The following BRINP3 variants were observed in gnomAD, a reference collection of about 807,000 sequenced individuals.
The protein encoded by BRINP3 is BMP/retinoic acid-inducible neural-specific protein 3.
BRINP3 carries 19 observed loss-of-function variants against 71.0 expected under a neutral mutation model. The ratio of observed to expected loss-of-function variants is 0.27; its 90% CI spans 0.19 to 0.39. The LOEUF (loss-of-function observed/expected upper bound fraction) is 0.39, where lower values mean the gene tolerates loss of function less well. Ranked by LOEUF, BRINP3 falls within the 10% of genes least tolerant of loss-of-function variation. BRINP3 has a pLI of 1.00. For missense variants in BRINP3, 959 were observed against 940.8 expected (o/e 1.02, Z -0.25); for synonymous variants, 380 against 337.7 (o/e 1.13, Z -1.37).
At chr1:190,315,170 GT>G (rs1304996229) in intron 2 of BRINP3, among the ~76,000 whole-genome samples, 1 of 152,070 alleles carries the variant, frequency 6.6e-6, no homozygotes, top group African/African-American at 2.4e-5. Context: ...ATAAGATTAT[GT>G]GCAAGAAAAT....
chr1:190,434,589 T>C (rs1674330149), intron 2 of BRINP3, among the ~76,000 whole-genome samples: 1 of 151,818 alleles, frequency 6.6e-6, no homozygotes, highest in South Asian at 2.1e-4. Flanking sequence ...AATTTAAATA[T>C]ATATATATTT....
In BRINP3 at chr1:190,098,572, T is replaced by C; in HGVS notation, c.1747A>G (p.Ser583Gly). The C allele has an allele frequency of 1.2e-6, 2 of 1,614,144 alleles. No homozygotes were observed. Among genetic ancestry groups the C allele is most frequent in the Non-Finnish European group, 1.7e-6 (2 of 1,180,022 alleles). Reference protein sequence around the residue: ...VNPFGGSHSESWFMPVNENSF... With the variant: ...VNPFGGSHSEGWFMPVNENSF... ...TTTTCATTCACAGGCATAAACCAGC[T>C]CTCAGAGTGGCTGCCTCCGAAGGGA... The change falls in exon 8 of 8, where the codon AGC becomes GGC. Residue 583 changes from serine (S) to glycine (G), a missense_variant. Coordinates refer to ENST00000367462, the MANE Select transcript of BRINP3 (RefSeq NM_199051.3).
At chr1:190,328,694 A>C (rs2103072927) in intron 2 of BRINP3, among the ~76,000 whole-genome samples, 1 of 150,936 alleles carries the variant, frequency 6.6e-6, no homozygotes, top group East Asian at 2.0e-4. Context: ...CATTACCCTG[A>C]TATAAAAACC....
At chr1:190,172,298 A>G (rs1437520668) in intron 6 of BRINP3, among the ~76,000 whole-genome samples, 2 of 151,594 alleles carry the variant, frequency 1.3e-5, no homozygotes, top group African/African-American at 4.9e-5. Flanking sequence ...TTTTATGTAC[A>G]TAAGAGCTAT....
At chr1:190,455,993 A>C (rs1445341718) in intron 1 of BRINP3, among the ~76,000 whole-genome samples, 1 of 152,202 alleles carries the variant, frequency 6.6e-6, no homozygotes, top group East Asian at 1.9e-4. Context: ...ACATAGCACT[A>C]CAGAGTGCAA....
At chr1:190,241,156 G>C (rs1659053058) in intron 4 of BRINP3, among the ~76,000 whole-genome samples, 1 of 151,960 alleles carries the variant, frequency 6.6e-6, no homozygotes, top group African/African-American at 2.4e-5. Flanking sequence ...TATTACAAAA[G>C]AAAATTTATT....
chr1:190,187,919 C>A (rs1283056605), intron 6 of BRINP3, among the ~76,000 whole-genome samples: 2 of 150,970 alleles, frequency 1.3e-5, no homozygotes, highest in Non-Finnish European at 1.5e-5. Context: ...TTTGAAAAAT[C>A]TTATTGATAT....
At chr1:190,181,009 T>C (rs1652984304) in intron 6 of BRINP3, among the ~76,000 whole-genome samples, 1 of 152,086 alleles carries the variant, frequency 6.6e-6, no homozygotes, top group Non-Finnish European at 1.5e-5. Context: ...ATTCTATCAC[T>C]ACAAAGATAT....
chr1:190,150,395 T>C (rs191806964), intron 7 of BRINP3, among the ~76,000 whole-genome samples: 3 of 152,194 alleles, frequency 2.0e-5, no homozygotes, highest in Non-Finnish European at 4.4e-5. Context: ...TTCTAACACA[T>C]AGTATTGAGA....
chr1:190,300,931 G>A (rs1323060924), intron 2 of BRINP3, among the ~76,000 whole-genome samples: 1 of 151,996 alleles, frequency 6.6e-6, no homozygotes, highest in Non-Finnish European at 1.5e-5. Context: ...GATGGAGAAT[G>A]ACTTTGACGA....
At chr1:190,465,339 A>G (rs1298172343) in intron 1 of BRINP3, among the ~76,000 whole-genome samples, 2 of 151,954 alleles carry the variant, frequency 1.3e-5, no homozygotes, top group African/African-American at 4.8e-5. Flanking sequence ...ACGCTTTGAC[A>G]AAGACTCTTT....
chr1:190,406,178 G>A (rs185088268), intron 2 of BRINP3, among the ~76,000 whole-genome samples: 10 of 152,296 alleles, frequency 6.6e-5, no homozygotes, highest in Admixed American at 6.5e-4. Flanking sequence ...TAAATGTAGT[G>A]ATTGTTACAG....
At chr1:190,344,924 A>G (rs1208365682) in intron 2 of BRINP3, among the ~76,000 whole-genome samples, 1 of 151,892 alleles carries the variant, frequency 6.6e-6, no homozygotes, top group Non-Finnish European at 1.5e-5. Flanking sequence ...CGCTTAAAGC[A>G]GAAGTAGTGA....
intron 6 of BRINP3, among the ~76,000 whole-genome samples, chr1:190,206,836 A>G (rs1313508463): frequency 1.3e-5 from 2 of 152,054 alleles, no homozygotes; most frequent in Non-Finnish European, 2.9e-5. Flanking sequence ...GAGAATATTA[A>G]ATTTACAGAA....
At chr1:190,434,401 T>C (rs965803526) in intron 2 of BRINP3, among the ~76,000 whole-genome samples, 14 of 152,000 alleles carry the variant, frequency 9.2e-5, no homozygotes, top group African/African-American at 3.4e-4. Flanking sequence ...TGACCCACCG[T>C]TCCCAGCCCA....
intron 4 of BRINP3, among the ~76,000 whole-genome samples, chr1:190,238,505 G>A (rs1479484022): frequency 1.3e-5 from 2 of 151,936 alleles, no homozygotes; most frequent in Admixed American, 1.3e-4. Context: ...TGACAAAAAA[G>A]ATATATAAAC....
intron 7 of BRINP3, among the ~76,000 whole-genome samples, chr1:190,131,072 C>T (rs541090675): frequency 6.6e-5 from 10 of 150,866 alleles, no homozygotes; most frequent in African/African-American, 2.4e-4. Context: ...TATCAGCTTG[C>T]CCTAACTGAT....
intron 2 of BRINP3, among the ~76,000 whole-genome samples, chr1:190,351,254 C>A (rs1668367853): frequency 6.6e-6 from 1 of 151,984 alleles, no homozygotes. Context: ...CATTACTCAT[C>A]AAATTTCAGA....
intron 2 of BRINP3, among the ~76,000 whole-genome samples, chr1:190,394,655 T>G (rs1455547678): frequency 6.6e-6 from 1 of 151,586 alleles, no homozygotes; most frequent in South Asian, 2.1e-4. Flanking sequence ...GATACAAAAT[T>G]TAAAGGTAAA....
Sources: allele counts gnomAD v4.1 joint callset (sites outside exome capture counted in the v4.1 genomes callset), GRCh38; gene constraint gnomAD v4.1.1; transcripts MANE v1.5; gene names NCBI Gene and HGNC (gene_info 2026-07-23, HGNC 2026-07-21).